The following RBFOX1 variants were observed in gnomAD, a reference collection of about 807,000 sequenced individuals.
RBFOX1 encodes the protein RNA binding fox-1 homolog 1, also known as RNA binding protein fox-1 homolog 1.
RBFOX1 carries 8 observed loss-of-function variants against 57.7 expected under a neutral mutation model. The observed-to-expected ratio is 0.14, with a 90% CI of 0.08 to 0.25. RBFOX1 has a LOEUF of 0.25. Among genes scored for constraint, RBFOX1 ranks in the 10% least tolerant of loss-of-function variants. The pLI is 1.00. For synonymous variants in RBFOX1, 326 were observed against 222.4 expected (o/e 1.47, Z -4.15); for missense variants, 611 against 548.5 (o/e 1.11, Z -1.14).
intron 3 of RBFOX1, among the ~76,000 whole-genome samples, chr16:5,638,850 T>C (rs1427422729): frequency 5.3e-5 from 8 of 152,170 alleles, no homozygotes; most frequent in Non-Finnish European, 1.0e-4. Flanking sequence ...GGAATGTGTT[T>C]TGGCACTTGT....
intron 4 of RBFOX1, among the ~76,000 whole-genome samples, chr16:7,398,049 G>A (rs952434782): frequency 4.6e-5 from 7 of 151,948 alleles, no homozygotes; most frequent in Non-Finnish European, 8.8e-5. Flanking sequence ...ACTGTTTGGT[G>A]ATTTAACCTC....
At chr16:6,568,424 AGAGAAAGCGGGGAGAGAAAAGG>A (rs1197827198) in intron 2 of RBFOX1, among the ~76,000 whole-genome samples, 3 of 152,192 alleles carry the variant, frequency 2.0e-5, no homozygotes, top group Non-Finnish European at 4.4e-5. Context: ...GTTATGAGAC[AGAGAAAGCGGGGAGAGAAAAGG>A]GAGAAAGAAG....
intron 4 of RBFOX1, among the ~76,000 whole-genome samples, chr16:7,254,372 G>C (rs534276974): frequency 1.3e-5 from 2 of 152,068 alleles, no homozygotes; most frequent in Non-Finnish European, 2.9e-5. Context: ...CGGGTTTATT[G>C]GATTATCTAG....
At chr16:7,284,559 G>C (rs1373781804) in intron 4 of RBFOX1, among the ~76,000 whole-genome samples, 2 of 152,072 alleles carry the variant, frequency 1.3e-5, no homozygotes, top group African/African-American at 4.8e-5. Context: ...TCGATCTCCT[G>C]GCCTCAAGCA....
chr16:5,348,960 T>C (rs2065202645), intron 1 of RBFOX1, among the ~76,000 whole-genome samples: 1 of 152,220 alleles, frequency 6.6e-6, no homozygotes, highest in Non-Finnish European at 1.5e-5. Flanking sequence ...GATCATATGG[T>C]ACTTCTGTTT....
At chr16:6,599,532 G>A (rs909380210) in intron 2 of RBFOX1, among the ~76,000 whole-genome samples, 1 of 152,132 alleles carries the variant, frequency 6.6e-6, no homozygotes, top group Non-Finnish European at 1.5e-5. Flanking sequence ...TAGTGGCTAG[G>A]AACTTCAGTT....
chr16:6,025,599 C>T (rs1283171632), intron 1 of RBFOX1, among the ~76,000 whole-genome samples: 1 of 152,204 alleles, frequency 6.6e-6, no homozygotes, highest in Non-Finnish European at 1.5e-5. Context: ...AGAACAGTTG[C>T]ACTCAGATGC....
intron 3 of RBFOX1, among the ~76,000 whole-genome samples, chr16:6,921,924 C>T (rs993879179): frequency 6.6e-6 from 1 of 152,112 alleles, no homozygotes; most frequent in Non-Finnish European, 1.5e-5. Flanking sequence ...AGTCAGGGAT[C>T]ATTGGCAGTC....
chr16:6,362,184 C>G (rs553089253), intron 2 of RBFOX1, among the ~76,000 whole-genome samples: 2 of 152,134 alleles, frequency 1.3e-5, no homozygotes, highest in Admixed American at 6.5e-5. Context: ...CCACGCCCCC[C>G]CAAAAAACAA....
At chr16:7,012,624 GA>G (rs549533378) in intron 3 of RBFOX1, among the ~76,000 whole-genome samples, 6 of 152,184 alleles carry the variant, frequency 3.9e-5, no homozygotes, top group African/African-American at 1.4e-4. Flanking sequence ...TTGTGCTCCA[GA>G]AAAAAATGAG....
intron 1 of RBFOX1, among the ~76,000 whole-genome samples, chr16:6,200,607 A>T (rs578007944): frequency 6.6e-6 from 1 of 152,212 alleles, no homozygotes; most frequent in Non-Finnish European, 1.5e-5. Context: ...TGACACATTT[A>T]AAAAAATACA....
rs140600473 is a variant in RBFOX1, at chr16:7,558,793, G to A, written c.271-20984G>A. 7.0e-3 allele frequency among the ~76,000 whole-genome samples: 1,064 copies of A among 152,282 alleles called. 6 individuals are homozygous for A. Among genetic ancestry groups the A allele is most frequent in the Middle Eastern group, 0.024 (7 of 294 alleles). On this transcript the variant is annotated intron_variant, in intron 5 of 15. Transcript: ENST00000550418. ...GCTTCTGGTGCACACTCAAAGTATT[G>A]AGCCAATGCCATAAGCCTTTCTGAG...
chr16:6,220,129 A>G (rs938971524), intron 1 of RBFOX1, among the ~76,000 whole-genome samples: 3 of 152,062 alleles, frequency 2.0e-5, no homozygotes, highest in East Asian at 1.9e-4. Context: ...TTATCTGTAT[A>G]TCATCTATCT....
chr16:6,975,875 G>A lies in RBFOX1; in HGVS notation c.-15-76182G>A, dbSNP rs112096062. Among the ~76,000 whole-genome samples, 330 of 152,128 alleles carry A rather than the reference G, an allele frequency of 2.2e-3. 1 individual carries two copies. Among genetic ancestry groups the A allele is most frequent in the African/African-American group, 7.4e-3 (307 of 41,520 alleles). ...GGTATGGTGGTGCACACCTGTAATC[G>A]CAGCACTTTGGGAGGCTGAGGTAGG... On this transcript the variant is annotated intron_variant, in intron 3 of 15. Transcript: ENST00000550418.
chr16:6,756,989 A>AACAAACAAACAG (rs2075896107), intron 3 of RBFOX1, among the ~76,000 whole-genome samples: 1 of 19,988 alleles, frequency 5.0e-5, no homozygotes, highest in Non-Finnish European at 2.4e-4. Flanking sequence ...CAAACAGACA[A>AACAAACAAACAG]ACAAACAAAC....
chr16:7,328,793 C>T (rs962244108), intron 4 of RBFOX1: 1 of 152,062 alleles, frequency 6.6e-6, no homozygotes, highest in African/African-American at 2.4e-5. Flanking sequence ...CAGAAAGGAA[C>T]AGCAAAGGAG....
chr16:7,530,568 T>C (rs944160573), intron 5 of RBFOX1, among the ~76,000 whole-genome samples: 24 of 151,992 alleles, frequency 1.6e-4, no homozygotes, highest in Admixed American at 6.6e-4. Flanking sequence ...GTTGTATCAA[T>C]GGGTCTGTGT....
chr16:6,233,403 C>G (rs889329159), intron 1 of RBFOX1, among the ~76,000 whole-genome samples: 1 of 152,054 alleles, frequency 6.6e-6, no homozygotes, highest in Non-Finnish European at 1.5e-5. Context: ...CTGACGAACC[C>G]CTGCACCCCA....
chr16:6,569,151 A>G (rs1371508110), intron 2 of RBFOX1, among the ~76,000 whole-genome samples: 2 of 152,204 alleles, frequency 1.3e-5, no homozygotes, highest in African/African-American at 4.8e-5. Flanking sequence ...TAAACTGAGG[A>G]TATTTTGAAG....
Sources: allele counts gnomAD v4.1 joint callset (sites outside exome capture counted in the v4.1 genomes callset), GRCh38; gene constraint gnomAD v4.1.1; transcripts MANE v1.5; gene names NCBI Gene and HGNC (gene_info 2026-07-23, HGNC 2026-07-21).